The following HNRNPUL1 variants were observed in gnomAD, a reference collection of about 807,000 sequenced individuals.
HNRNPUL1 encodes heterogeneous nuclear ribonucleoprotein U-like protein 1.
Under a neutral mutation model 108.5 loss-of-function variants are expected in HNRNPUL1, and 14 were observed. The ratio of observed to expected loss-of-function variants is 0.13; its 90% CI spans 0.09 to 0.20. HNRNPUL1 has a LOEUF of 0.20. HNRNPUL1 is among the 10% of genes least tolerant of loss of function. The pLI, the probability that HNRNPUL1 is intolerant of heterozygous loss-of-function variation, is 1.00. For synonymous variants in HNRNPUL1, 422 were observed against 445.2 expected, an observed-to-expected ratio of 0.95 and a Z score of 0.66; for missense variants, 804 against 1,168.3, an observed-to-expected ratio of 0.69 and a Z score of 4.55.
rs192536435 is a variant in HNRNPUL1 at position 41,275,035 on chromosome 19, G to T, written c.646+980G>T. On this transcript the variant is annotated intron_variant, in intron 4 of 14. Transcript: ENST00000392006. The stretch of plus-strand genomic sequence containing the variant: ...GGTCAGGAAAGGCTTTCTTGGAGGC[G>T]TGACTGGCTCCTTGAATATTGAGAA... Among the ~76,000 whole-genome samples, 646 of 152,236 alleles carry T rather than the reference G, an allele frequency of 4.2e-3. 8 individuals carry two copies. The highest frequency in any genetic ancestry group is 6.5e-3 in the Admixed American group (100 of 15,296).
chr19:41,294,301 A>G lies in HNRNPUL1; in HGVS notation c.1267-37A>G. On this transcript the variant is annotated intron_variant, in intron 8 of 14. Transcript: ENST00000392006. This position sits in a 1 kb window ranked among gnomAD's most constrained non-coding sequence, Gnocchi z 4.3. ...CCACCGAGCCAAGTGGTGCCATACC[A>G]CCATGCCGCAACACCTTCCCTGTCT... The G allele has an allele frequency of 1.9e-6, 3 of 1,610,190 alleles. No individual in the cohort carries two copies. Among genetic ancestry groups the G allele is most frequent in the South Asian group, 1.1e-5 (1 of 90,676 alleles).
chr19:41,277,156 C>T (rs1215839261), intron 5 of HNRNPUL1, among the ~76,000 whole-genome samples: 1 of 152,016 alleles, frequency 6.6e-6, no homozygotes, highest in Non-Finnish European at 1.5e-5. Context: ...CTCATGTCCT[C>T]TCAGTTCCCA....
chr19:41,288,130 C>T (rs1350249956), intron 7 of HNRNPUL1, among the ~76,000 whole-genome samples: 4 of 148,986 alleles, frequency 2.7e-5, no homozygotes, highest in Non-Finnish European at 4.4e-5. Flanking sequence ...TTAGACACCC[C>T]CCCTCCCGCC....
At chr19:41,306,316 TTC>T in intron 14 of HNRNPUL1, 131 bp from the exon 15 acceptor site, 1 of 610,904 alleles carries the variant, frequency 1.6e-6, no homozygotes, top group Non-Finnish European at 2.9e-6. Flanking sequence ...GTGCCTTGAT[TTC>T]TCTGTCAGGG....
At chr19:41,270,230 G>A (rs1037303304) in intron 2 of HNRNPUL1, among the ~76,000 whole-genome samples, 1 of 151,904 alleles carries the variant, frequency 6.6e-6, no homozygotes, top group African/African-American at 2.4e-5. Context: ...TGATCCGCCC[G>A]CCTCAGCCTC....
rs1468507947 is a variant in HNRNPUL1 at position 41,279,103 on chromosome 19, C to T, written c.813C>T (p.His271=). Residue 271 remains histidine (H), a synonymous_variant, in exon 6 of 15, where the codon CAC becomes CAT. Coordinates refer to ENST00000392006, the MANE Select transcript of HNRNPUL1 (RefSeq NM_007040.6). The part of the protein sequence containing the change: ...MKINEEISVK[H]LPSTEPDPHV... ...TCAATGAGGAAATCTCCGTGAAGCA[C>T]CTTCCGTCTACAGAGCCTGACCCCC... 12 of 1,613,984 alleles carry T rather than the reference C, an allele frequency of 7.4e-6. No individual in the cohort carries two copies. Among genetic ancestry groups the T allele is most frequent in the African/African-American group, 6.7e-5 (5 of 74,924 alleles).
chr19:41,279,662 C>T (rs1306038764), intron 6 of HNRNPUL1, among the ~76,000 whole-genome samples: 1 of 152,162 alleles, frequency 6.6e-6, no homozygotes, highest in East Asian at 1.9e-4. Flanking sequence ...CTTCAATGAC[C>T]TTCTGGTCCC....
intron 10 of HNRNPUL1, among the ~76,000 whole-genome samples, chr19:41,297,324 C>T (rs577326893): frequency 1.3e-5 from 2 of 152,204 alleles, no homozygotes; most frequent in African/African-American, 4.8e-5. Context: ...ATGTCTGAGT[C>T]GGGGCACAGA....
At chr19:41,270,759 A>G (rs972774115) in intron 2 of HNRNPUL1, among the ~76,000 whole-genome samples, 4 of 151,656 alleles carry the variant, frequency 2.6e-5, no homozygotes, top group Non-Finnish European at 5.9e-5. Context: ...ACACCCAGCT[A>G]ATTTTTTGTG....
chr19:41,279,774 T>C (rs1733114739), intron 6 of HNRNPUL1, among the ~76,000 whole-genome samples: 1 of 152,218 alleles, frequency 6.6e-6, no homozygotes, highest in Non-Finnish European at 1.5e-5. Flanking sequence ...GTATAAGAAT[T>C]CAGGCCATAC....
Position 41,294,241 on chromosome 19 carries a change from C to T in HNRNPUL1, c.1267-97C>T. 4 of 1,409,700 alleles carry T rather than the reference C, an allele frequency of 2.8e-6. No individual in the cohort carries two copies. Among genetic ancestry groups the T allele is most frequent in the Non-Finnish European group, 3.9e-6 (4 of 1,014,892 alleles). 87.3% of individuals were successfully genotyped at this position (1,409,700 alleles called of 1,614,324 possible). ...ACTGCTTCCGCTTTGTAGAGGCAGC[C>T]ACAGCTCAGAGGTCCAGAGTCACAC... On this transcript the variant is annotated intron_variant, in intron 8 of 14. Coordinates refer to ENST00000392006, the MANE Select transcript of HNRNPUL1 (RefSeq NM_007040.6). The surrounding 1 kb of genome is among the most constrained non-coding windows in gnomAD (Gnocchi z 4.3).
At chr19:41,293,467 G>A (rs1454526069) in intron 8 of HNRNPUL1, among the ~76,000 whole-genome samples, 3 of 152,090 alleles carry the variant, frequency 2.0e-5, no homozygotes, top group African/African-American at 7.2e-5. Flanking sequence ...GGGAATGAAC[G>A]TCATTCTTAA....
At chr19:41,277,256 A>G (rs1451110664) in intron 5 of HNRNPUL1, among the ~76,000 whole-genome samples, 1 of 152,194 alleles carries the variant, frequency 6.6e-6, no homozygotes, top group Non-Finnish European at 1.5e-5. Context: ...GATAGCTAAT[A>G]AGTATAGAGC....
chr19:41,299,609 A>G (rs981056358), intron 10 of HNRNPUL1, among the ~76,000 whole-genome samples: 3 of 152,140 alleles, frequency 2.0e-5, no homozygotes, highest in Non-Finnish European at 4.4e-5. Context: ...TACATCTGCA[A>G]ATGCTCTCCA....
rs752202621 is a variant in HNRNPUL1 at position 41,264,517 on chromosome 19, G to C, written c.14G>C (p.Arg5Pro). The C allele has an allele frequency of 6.9e-7, 1 of 1,450,988 alleles. No homozygotes were observed. The highest frequency in any genetic ancestry group is 2.8e-5 in the East Asian group (1 of 35,546). 89.9% of individuals were successfully genotyped at this position (1,450,988 alleles called of 1,614,324 possible). Residue 5 changes from arginine (R) to proline (P), a missense_variant, in exon 1 of 15, where the codon CGT becomes CCT. By Grantham distance (103) the Arg-to-Pro change is moderately radical. Coordinates refer to ENST00000392006, the MANE Select transcript of HNRNPUL1 (RefSeq NM_007040.6). MDVRRLKVNELREEL... is the reference protein window; with the variant it reads MDVRPLKVNELREEL... ...GGGGCCCGGGCCATGGATGTGCGCCGTCTGAAGGTGAACGAACTTCGCGAG... is the reference window on the plus strand; with the variant it reads ...GGGGCCCGGGCCATGGATGTGCGCCCTCTGAAGGTGAACGAACTTCGCGAG...
intron 6 of HNRNPUL1, among the ~76,000 whole-genome samples, chr19:41,279,991 T>C (rs1599792067): frequency 6.6e-6 from 1 of 152,236 alleles, no homozygotes; most frequent in East Asian, 1.9e-4. Context: ...TAATTTTCCA[T>C]TTTATAGTTG....
At chr19:41,267,171 C>T (rs1599759693) in intron 1 of HNRNPUL1, among the ~76,000 whole-genome samples, 1 of 152,146 alleles carries the variant, frequency 6.6e-6, no homozygotes, top group Admixed American at 6.5e-5. Flanking sequence ...TGTTCACAGC[C>T]CCTCCAACCC....
chr19:41,291,163 T>G (rs1004732490), intron 7 of HNRNPUL1, among the ~76,000 whole-genome samples: 1 of 152,200 alleles, frequency 6.6e-6, no homozygotes, highest in Non-Finnish European at 1.5e-5. Flanking sequence ...TACTTCCCCC[T>G]CATCTTTTAT....
At chr19:41,271,470 C>T (rs1459487959) in intron 2 of HNRNPUL1, among the ~76,000 whole-genome samples, 1 of 152,106 alleles carries the variant, frequency 6.6e-6, no homozygotes, top group African/African-American at 2.4e-5. Flanking sequence ...CCAAAATGGT[C>T]TGGGGTTGAA....
Sources: allele counts gnomAD v4.1 joint callset (sites outside exome capture counted in the v4.1 genomes callset), GRCh38; gene constraint gnomAD v4.1.1; non-coding constraint Gnocchi (gnomAD v3.1); transcripts MANE v1.5; gene names NCBI Gene and HGNC (gene_info 2026-07-23, HGNC 2026-07-21).